EXOC4: variants seen among roughly 807,000 people sequenced by gnomAD.
EXOC4 encodes the protein SEC8-like 1.
EXOC4 carries 71 observed loss-of-function variants against 107.2 expected under a neutral mutation model. That is an observed-to-expected ratio of 0.66 (90% CI 0.55 to 0.81). EXOC4 has a LOEUF of 0.81. EXOC4 is among the 30% of genes least tolerant of loss of function. The pLI is 0.00. For missense variants in EXOC4, 1,108 were observed against 1,189.6 expected (o/e 0.93, Z 1.01); for synonymous variants, 456 against 441.2 (o/e 1.03, Z -0.42).
Position 133,776,262 on chromosome 7 carries a change from T to C in EXOC4, c.1515-41063T>C, listed in dbSNP as rs190585632. Among the ~76,000 whole-genome samples, 299 of 152,328 alleles carry C rather than the reference T, an allele frequency of 2.0e-3. 2 individuals carry two copies. The highest frequency in any genetic ancestry group is 6.8e-3 in the African/African-American group (281 of 41,580). ...ATGAATACAAATGGTGTTGTCTTTA[T>C]GTTGTTGCAAAATAAAGCAACAATG... On this transcript the variant is annotated intron_variant, in intron 10 of 17. Coordinates refer to ENST00000253861, the MANE Select transcript of EXOC4 (RefSeq NM_021807.4).
intron 10 of EXOC4, among the ~76,000 whole-genome samples, chr7:133,643,675 CTACA>C (rs1337984598): frequency 6.6e-6 from 1 of 152,158 alleles, no homozygotes; most frequent in Non-Finnish European, 1.5e-5. Context: ...CCAAATGCTG[CTACA>C]TAAAGTTAAC....
chr7:133,724,979 A>T (rs1300902202), intron 10 of EXOC4, among the ~76,000 whole-genome samples: 2 of 152,206 alleles, frequency 1.3e-5, no homozygotes, highest in Non-Finnish European at 2.9e-5. Flanking sequence ...TTGAATTAAA[A>T]AGCTATTGGA....
At chr7:133,895,445 G>C (rs550531513) in intron 11 of EXOC4, among the ~76,000 whole-genome samples, 154 bp from the exon 12 acceptor site, 31 of 152,216 alleles carry the variant, frequency 2.0e-4, no homozygotes, top group South Asian at 1.7e-3. Context: ...GGCCATCTTG[G>C]CTCCTCCCCC....
At chr7:133,422,728 T>TG (rs934357351) in intron 7 of EXOC4, among the ~76,000 whole-genome samples, 6 of 152,174 alleles carry the variant, frequency 3.9e-5, no homozygotes, top group African/African-American at 1.4e-4. Flanking sequence ...GAAAATCCCT[T>TG]GGGGATTTGT....
chr7:133,486,884 A>G (rs972464207), intron 9 of EXOC4, among the ~76,000 whole-genome samples: 1 of 152,178 alleles, frequency 6.6e-6, no homozygotes, highest in Non-Finnish European at 1.5e-5. Context: ...ATTGTAACTA[A>G]TAAATATACT....
chr7:133,763,165 A>G (rs1796068005), intron 10 of EXOC4, among the ~76,000 whole-genome samples: 1 of 152,122 alleles, frequency 6.6e-6, no homozygotes, highest in African/African-American at 2.4e-5. Flanking sequence ...AGTGAGTAAA[A>G]CAAGTTCCTG....
At chr7:133,991,515 A>G (rs1469216815) in intron 14 of EXOC4, among the ~76,000 whole-genome samples, 6 of 152,184 alleles carry the variant, frequency 3.9e-5, no homozygotes, top group African/African-American at 1.4e-4. Flanking sequence ...TTACCCAAAA[A>G]TCTTTGCCCA....
intron 7 of EXOC4, among the ~76,000 whole-genome samples, chr7:133,412,378 A>G (rs900186783): frequency 1.4e-5 from 2 of 140,976 alleles, no homozygotes; most frequent in Non-Finnish European, 3.0e-5. Context: ...GAGATTAGAC[A>G]TACTTTTATT....
chr7:133,527,855 G>A (rs1341285203), intron 9 of EXOC4, among the ~76,000 whole-genome samples: 2 of 152,184 alleles, frequency 1.3e-5, no homozygotes, highest in African/African-American at 4.8e-5. Flanking sequence ...AACAGTTTGT[G>A]TGTGAGAGTG....
At chr7:133,924,399 A>G (rs997223106) in intron 13 of EXOC4, among the ~76,000 whole-genome samples, 5 of 152,198 alleles carry the variant, frequency 3.3e-5, no homozygotes, top group Admixed American at 2.6e-4. Flanking sequence ...GGTATCTTCA[A>G]TAGCTTAAAT....
At chr7:134,015,707 T>A (rs1465920381) in intron 17 of EXOC4, among the ~76,000 whole-genome samples, 1 of 151,864 alleles carries the variant, frequency 6.6e-6, no homozygotes, top group Non-Finnish European at 1.5e-5. Flanking sequence ...AAATCCCGTC[T>A]CTACTAAAAT....
chr7:133,808,670 C>G (rs1214791007), intron 10 of EXOC4, among the ~76,000 whole-genome samples: 1 of 152,132 alleles, frequency 6.6e-6, no homozygotes, highest in Non-Finnish European at 1.5e-5. Flanking sequence ...TTCCCAAAGC[C>G]CAATTGTCAT....
intron 7 of EXOC4, among the ~76,000 whole-genome samples, chr7:133,466,445 A>G (rs1204629323): frequency 6.6e-6 from 1 of 152,190 alleles, no homozygotes; most frequent in Non-Finnish European, 1.5e-5. Context: ...TGATATGCCA[A>G]TCAGACGATG....
At chr7:133,608,306 T>C (rs1417321058) in intron 9 of EXOC4, among the ~76,000 whole-genome samples, 1 of 152,158 alleles carries the variant, frequency 6.6e-6, no homozygotes, top group African/African-American at 2.4e-5. Flanking sequence ...TTTGTTTGAT[T>C]ACCCCATTTG....
intron 1 of EXOC4, among the ~76,000 whole-genome samples, chr7:133,262,288 C>T (rs1416413315): frequency 6.6e-6 from 1 of 151,876 alleles, no homozygotes; most frequent in Non-Finnish European, 1.5e-5. Flanking sequence ...ATTGCTTGAG[C>T]TCAGGAGTTC....
In EXOC4 at chr7:133,290,251, A is replaced by G. The variant is rs1794372752; in HGVS notation, c.471+1135A>G. Among the ~76,000 whole-genome samples the G allele has an allele frequency of 2.0e-5, 3 of 152,200 alleles. No individual in the cohort carries two copies. In the South Asian group the frequency reaches 6.2e-4, roughly 32 times the overall value. Reference sequence around the variant, plus strand: ...TTTAAGGCTGCAGTGAGTCATGATCAGGTCACTGTACTCCAGCCTGGGCGA... The same window carrying G: ...TTTAAGGCTGCAGTGAGTCATGATCGGGTCACTGTACTCCAGCCTGGGCGA... On this transcript the variant is annotated intron_variant, in intron 3 of 17. Coordinates refer to ENST00000253861, the MANE Select transcript of EXOC4 (RefSeq NM_021807.4).
At chr7:133,372,273 C>T (rs1328934313) in intron 6 of EXOC4, among the ~76,000 whole-genome samples, 2 of 152,062 alleles carry the variant, frequency 1.3e-5, no homozygotes, top group African/African-American at 2.4e-5. Flanking sequence ...TTCGGTAAGG[C>T]GGAAGAGAGC....
intron 14 of EXOC4, among the ~76,000 whole-genome samples, chr7:133,969,277 G>A (rs966557063): frequency 4.6e-5 from 7 of 152,108 alleles, no homozygotes; most frequent in African/African-American, 1.7e-4. Flanking sequence ...CTTGCATTGG[G>A]TTAGAACATG....
At chr7:133,447,563 T>A (rs1435238106) in intron 7 of EXOC4, among the ~76,000 whole-genome samples, 1 of 152,020 alleles carries the variant, frequency 6.6e-6, no homozygotes, top group Non-Finnish European at 1.5e-5. Context: ...TATAAAATTT[T>A]CAACATATTG....
Sources: gnomAD v4.1 joint callset for allele counts (sites outside exome capture counted in the v4.1 genomes callset) on GRCh38, gnomAD v4.1.1 for gene constraint, MANE v1.5 for transcripts, NCBI Gene and HGNC (gene_info 2026-07-23, HGNC 2026-07-21) for gene names.